The following CNGA1 variants were observed in gnomAD, a reference collection of about 807,000 sequenced individuals.
CNGA1 encodes the protein cyclic nucleotide gated channel subunit alpha 1.
In CNGA1, 53 loss-of-function variants were observed where a neutral mutation model predicts 69.7. The observed-to-expected ratio is 0.76, with a 90% CI of 0.61 to 0.96. CNGA1 has a LOEUF of 0.96. CNGA1 is among the 40% of genes least tolerant of loss of function. CNGA1 has a pLI of 0.00. For missense variants in CNGA1, 739 were observed against 811.2 expected (o/e 0.91, Z 1.08); for synonymous variants, 249 against 283.5 (o/e 0.88, Z 1.22).
At chr4:47,982,490 A>G (rs1452938797) in intron 2 of CNGA1, among the ~76,000 whole-genome samples, 1 of 152,186 alleles carries the variant, frequency 6.6e-6, no homozygotes, top group African/African-American at 2.4e-5. Context: ...TAAAAATTAA[A>G]TTCATATTTC....
At chr4:47,986,974 A>ATTGTG (rs56279900) in intron 2 of CNGA1, among the ~76,000 whole-genome samples, 2,486 of 151,690 alleles carry the variant, frequency 0.016, 41 homozygotes, top group Non-Finnish European at 0.023. Context: ...GGATAAGAGT[A>ATTGTG]TTGTGTTGTG....
At chr4:47,971,568 A>T (rs1207804463) in intron 3 of CNGA1, among the ~76,000 whole-genome samples, 1 of 152,148 alleles carries the variant, frequency 6.6e-6, no homozygotes. Flanking sequence ...TGGCATGTGA[A>T]AAAAATAAAA....
In CNGA1 at chr4:47,983,615, TAAAAGAAAAAGA is replaced by T. The variant is rs151300314; in HGVS notation, c.-122-2127_-122-2116del. ...AAAAACAACAACAACAAAAAAAAAG[TAAAAGAAAAAGA>T]AAAAGAAAAAGAGAATAAGCCCCTT... On this transcript the variant is annotated intron_variant, in intron 2 of 10. Transcript: ENST00000514170. Among the ~76,000 whole-genome samples the T allele has an allele frequency of 2.8e-4, 43 of 151,330 alleles. No individual in the cohort carries two copies. The East Asian group carries it at 6.6e-3, about 23-fold the overall frequency.
chr4:47,942,994 GAA>G lies in CNGA1; in HGVS notation c.437+185_437+186del, dbSNP rs1469810070. On this transcript the variant is annotated intron_variant, in intron 8 of 10. Transcript: ENST00000514170. ...ACCATTGCTAATTTTAGGGAAATTG[GAA>G]AAAGTTTTAATTCACTTCTGATAAT... 1.4e-5 allele frequency: 7 copies of G among 502,844 alleles called. No individual in the cohort carries two copies. In the Admixed American group the frequency reaches 2.4e-4, roughly 17 times the overall value. 31.1% of individuals were successfully genotyped at this position (502,844 alleles called of 1,614,324 possible).
chr4:47,949,730 G>T, intron 6 of CNGA1, 103 bp downstream of exon 6: 1 of 814,588 alleles, frequency 1.2e-6, no homozygotes, highest in Non-Finnish European at 2.0e-6. Flanking sequence ...TAGATCATTT[G>T]ATTAATAAAT....
intron 2 of CNGA1, 116 bp from the exon 3 acceptor site, chr4:47,981,616 T>C (rs1741718052): frequency 6.6e-6 from 1 of 152,142 alleles, no homozygotes; most frequent in South Asian, 2.1e-4. Context: ...ATTGTCAAAG[T>C]AGGATTTTCA....
chr4:47,970,636 G>C (rs1319900709), intron 3 of CNGA1, among the ~76,000 whole-genome samples: 2 of 140,874 alleles, frequency 1.4e-5, no homozygotes, highest in African/African-American at 5.2e-5. Context: ...TGGGCAACAA[G>C]AGCAAAACTC....
chr4:47,949,716 G>A, intron 6 of CNGA1, 117 bp downstream of exon 6: 3 of 737,198 alleles, frequency 4.1e-6, no homozygotes, highest in Non-Finnish European at 2.3e-6. Flanking sequence ...CATTGCCATT[G>A]TATTAGATCA....
intron 10 of CNGA1, 57 bp from the exon 11 acceptor site, chr4:47,937,886 T>G: frequency 8.1e-6 from 11 of 1,358,068 alleles, no homozygotes; most frequent in Non-Finnish European, 1.2e-5. Context: ...ATTGTGAATT[T>G]TTGTGAATAA....
intron 1 of CNGA1, among the ~76,000 whole-genome samples, chr4:48,013,706 C>T (rs1186380861): frequency 1.3e-5 from 2 of 152,096 alleles, no homozygotes; most frequent in African/African-American, 4.8e-5. Flanking sequence ...TTTGGGGGCT[C>T]CACTATTGAT....
intron 3 of CNGA1, among the ~76,000 whole-genome samples, chr4:47,972,644 T>C (rs1417255134): frequency 6.6e-6 from 1 of 152,240 alleles, no homozygotes; most frequent in Non-Finnish European, 1.5e-5. Context: ...TGTTTATTAA[T>C]CATTTGGATT....
At chr4:47,993,104 T>C (rs949765488) in intron 2 of CNGA1, among the ~76,000 whole-genome samples, 3 of 151,990 alleles carry the variant, frequency 2.0e-5, no homozygotes, top group African/African-American at 7.2e-5. Context: ...AGTATTTTGT[T>C]AATTTTAGCA....
intron 3 of CNGA1, among the ~76,000 whole-genome samples, chr4:47,957,892 AT>A (rs544231975): frequency 0.26 from 31,054 of 120,936 alleles, 3,281 homozygotes; most frequent in Non-Finnish European, 0.33. Context: ...TGTGTTTGTA[AT>A]TTTTTTTTTT....
intron 9 of CNGA1, among the ~76,000 whole-genome samples, chr4:47,941,428 A>G (rs1177715649): frequency 6.6e-6 from 1 of 152,228 alleles, no homozygotes; most frequent in Non-Finnish European, 1.5e-5. Context: ...ACGCTTTAGG[A>G]AGTTGTGCTT....
In CNGA1 at chr4:47,981,385, G is replaced by A. The variant is rs1163126947; in HGVS notation, c.-15+8C>T. On this transcript the variant is annotated splice_region_variant and intron_variant, in intron 3 of 10. Coordinates refer to ENST00000514170, the MANE Select transcript of CNGA1 (RefSeq NM_001379270.1). Reference sequence around the variant, plus strand: ...TAACTCTAATTATCGTTATCACTGGGTTCTTACCTTTGGTTGTTTAAGTAA... The same window carrying A: ...TAACTCTAATTATCGTTATCACTGGATTCTTACCTTTGGTTGTTTAAGTAA... 2.6e-5 allele frequency: 4 copies of A among 152,130 alleles called. No homozygotes were observed. The highest frequency in any genetic ancestry group is 9.7e-5 in the African/African-American group (4 of 41,436). 9.4% of individuals were successfully genotyped at this position (152,130 alleles called of 1,614,324 possible). A position where few individuals can be genotyped will look rare whatever the true frequency, so the allele number is the denominator to read the frequency against.
At chr4:47,957,559 G>T (rs533367224) in intron 3 of CNGA1, among the ~76,000 whole-genome samples, 1 of 152,150 alleles carries the variant, frequency 6.6e-6, no homozygotes, top group Admixed American at 6.5e-5. Context: ...GGTTGAGGCT[G>T]CAGTGAGCTG....
chr4:47,973,191 C>T lies in CNGA1; in HGVS notation c.-15+8202G>A, dbSNP rs369987386. 3.3e-5 allele frequency among the ~76,000 whole-genome samples: 5 copies of T among 151,296 alleles called. No homozygotes were observed. In the East Asian group the frequency reaches 9.7e-4, roughly 29 times the overall value. On this transcript the variant is annotated intron_variant, in intron 3 of 10. Coordinates refer to ENST00000514170, the MANE Select transcript of CNGA1 (RefSeq NM_001379270.1). The stretch of plus-strand genomic sequence containing the variant: ...CAAGCAATTCTCCCACCTCAGCCTC[C>T]CAAGTACCTGGGATTAAAGGCACCC...
At chr4:47,965,483 G>C (rs188850245) in intron 3 of CNGA1, among the ~76,000 whole-genome samples, 3 of 151,302 alleles carry the variant, frequency 2.0e-5, no homozygotes, top group Non-Finnish European at 4.4e-5. Context: ...CTGGAGTACG[G>C]TGGTGTGTTC....
At chr4:47,955,247 A>G (rs528451196) in intron 3 of CNGA1, among the ~76,000 whole-genome samples, 29 of 138,608 alleles carry the variant, frequency 2.1e-4, no homozygotes, top group African/African-American at 7.3e-4. Context: ...CAGTGGTGCG[A>G]TATCAGCTCA....
Sources: gnomAD v4.1 joint callset for allele counts (sites outside exome capture counted in the v4.1 genomes callset) on GRCh38, gnomAD v4.1.1 for gene constraint, MANE v1.5 for transcripts, NCBI Gene and HGNC (gene_info 2026-07-23, HGNC 2026-07-21) for gene names.